PCDHGA2: variants seen among roughly 807,000 people sequenced by gnomAD.
PCDHGA2 encodes the protein protocadherin gamma-A2.
PCDHGA2 carries 40 observed loss-of-function variants against 59.2 expected under a neutral mutation model. The ratio of observed to expected loss-of-function variants is 0.68; its 90% CI spans 0.52 to 0.88. The LOEUF (loss-of-function observed/expected upper bound fraction) is 0.88. Among genes scored for constraint, PCDHGA2 ranks in the 40% least tolerant of loss-of-function variants. PCDHGA2 has a pLI of 0.00. For missense variants in PCDHGA2, 1,226 were observed against 1,204.0 expected, an observed-to-expected ratio of 1.02 and a Z score of -0.27; for synonymous variants, 560 against 526.0, an observed-to-expected ratio of 1.06 and a Z score of -0.89.
In PCDHGA2 at chr5:141,339,254, C is replaced by A; in HGVS notation, c.283C>A (p.Leu95Ile). Residue 95 changes from leucine (L) to isoleucine (I), a missense_variant, in exon 1 of 4, where the codon CTC (leucine) becomes ATC (isoleucine). By Grantham distance (5) the Leu-to-Ile change is conservative. Transcript: ENST00000394576. ...TGCGAACAGGATAGACCGGGAGGAG[C>A]TCTGCGCTCAGAGCGCACCCTGTCT... ...VTANRIDREELCAQSAPCLLN... is the reference protein window; with the variant it reads ...VTANRIDREEICAQSAPCLLN... 6.2e-7 allele frequency: 1 copy of A among 1,614,242 alleles called. No homozygotes were observed. The highest frequency in any genetic ancestry group is 1.1e-5 in the South Asian group (1 of 91,090).
chr5:141,384,092 T>C, intron 1 of PCDHGA2: 1 of 1,596,242 alleles, frequency 6.3e-7, no homozygotes. Flanking sequence ...GAAAAATCAA[T>C]AGATAATTAT....
rs781612625 is a variant in PCDHGA2, at chr5:141,339,013, C to A, written c.42C>A (p.Val14=). 1.3e-6 allele frequency: 2 copies of A among 1,582,822 alleles called. No individual in the cohort carries two copies. The highest frequency in any genetic ancestry group is 2.3e-5 in the East Asian group (1 of 44,338). The change falls in exon 1 of 4, where the codon GTC becomes GTA. Residue 14 remains valine, a synonymous_variant. Coordinates refer to ENST00000394576, the MANE Select transcript of PCDHGA2 (RefSeq NM_018915.4). ...LQKLPHCRKL[V]LLCFLLATLW... ...AGTTGCCACACTGCAGAAAGCTGGT[C>A]CTGCTGTGCTTCCTTTTGGCGACCC...
intron 1 of PCDHGA2, among the ~76,000 whole-genome samples, chr5:141,362,988 G>A (rs1762757672): frequency 6.6e-6 from 1 of 152,224 alleles, no homozygotes; most frequent in South Asian, 2.1e-4. Flanking sequence ...TTGCATAATG[G>A]CATGGCTTGT....
At chr5:141,346,237 C>A (rs769767532) in intron 1 of PCDHGA2, 2 of 1,614,144 alleles carry the variant, frequency 1.2e-6, no homozygotes, top group Non-Finnish European at 1.7e-6. Flanking sequence ...TTGGCGAGTA[C>A]GCCCGGCTCG....
intron 1 of PCDHGA2, among the ~76,000 whole-genome samples, chr5:141,469,172 A>C (rs1310781965): frequency 6.6e-6 from 1 of 152,050 alleles, no homozygotes; most frequent in Admixed American, 6.6e-5. Context: ...GCTACTTGGG[A>C]GGCTGAGGCA....
At chr5:141,358,794 G>T (rs1283830662) in intron 1 of PCDHGA2, among the ~76,000 whole-genome samples, 120 of 152,324 alleles carry the variant, frequency 7.9e-4, no homozygotes, top group Non-Finnish European at 4.4e-5. Context: ...CTTGGGTTCT[G>T]GACTGATATG....
chr5:141,478,977 T>G (rs1004184325), intron 1 of PCDHGA2, among the ~76,000 whole-genome samples: 12 of 152,210 alleles, frequency 7.9e-5, no homozygotes, highest in Admixed American at 5.2e-4. Flanking sequence ...TTCAAGTGAT[T>G]GTGACATTTG....
rs1312195504 is a variant in PCDHGA2 at position 141,429,392 on chromosome 5, A to ATTTTT, written c.2425-65415_2425-65414insTTTTT. On this transcript the variant is annotated intron_variant, in intron 1 of 3. Transcript: ENST00000394576. Reference sequence around the variant, plus strand: ...GAGAAAATGTGTTTTTTTTTTAAAAAAAATTGAGATTAAGGTCTCATTATG... The same window carrying ATTTTT: ...GAGAAAATGTGTTTTTTTTTTAAAAATTTTTAAATTGAGATTAAGGTCTCATTATG... Among the ~76,000 whole-genome samples, 131 of 152,104 alleles carry ATTTTT rather than the reference A, an allele frequency of 8.6e-4. 1 individual carries two copies. Among genetic ancestry groups the ATTTTT allele is most frequent in the Non-Finnish European group, 1.5e-3 (100 of 67,974 alleles).
chr5:141,403,601 G>A, intron 1 of PCDHGA2: 1 of 1,613,814 alleles, frequency 6.2e-7, no homozygotes, highest in Non-Finnish European at 8.5e-7. Flanking sequence ...GGCCTCGGAT[G>A]GCGGCGAGCC....
intron 1 of PCDHGA2, 186 bp downstream of exon 1, chr5:141,341,581 T>A: frequency 8.5e-7 from 1 of 1,181,758 alleles, no homozygotes; most frequent in Non-Finnish European, 1.2e-6. Context: ...AGAAGAGACG[T>A]GAGAATCTTT....
rs926009065 is a variant in PCDHGA2, at chr5:141,488,023, AG to A, written c.2425-6782del. ...TCAGATTCTGAAGTACCTTAACTCT[AG>A]GTTACCATTTCCCAAGGGATTGAGG... On this transcript the variant is annotated intron_variant, in intron 1 of 3. Transcript: ENST00000394576. 1.4e-3 allele frequency among the ~76,000 whole-genome samples: 213 copies of A among 152,260 alleles called. 1 individual carries two copies. The highest frequency in any genetic ancestry group is 5.0e-3 in the African/African-American group (208 of 41,542).
At chr5:141,436,764 A>G (rs1248797699) in intron 1 of PCDHGA2, among the ~76,000 whole-genome samples, 1 of 152,214 alleles carries the variant, frequency 6.6e-6, no homozygotes, top group East Asian at 1.9e-4. Flanking sequence ...GGTATAATGG[A>G]ATGATTTGTG....
chr5:141,357,606 A>C, intron 1 of PCDHGA2: 2 of 1,614,052 alleles, frequency 1.2e-6, no homozygotes, highest in Non-Finnish European at 1.7e-6. Flanking sequence ...AAACAAAAGG[A>C]GACCCTAATC....
chr5:141,364,408 A>G (rs573254227), intron 1 of PCDHGA2: 30 of 1,610,674 alleles, frequency 1.9e-5, no homozygotes, highest in Non-Finnish European at 2.4e-5. Flanking sequence ...TGTGCGAGCC[A>G]GGATCCGGGC....
Position 141,485,598 on chromosome 5 carries a change from T to C in PCDHGA2, c.2425-9209T>C, listed in dbSNP as rs931717579. 25 of 1,612,028 alleles carry C rather than the reference T, an allele frequency of 1.6e-5. No individual in the cohort carries two copies. Among genetic ancestry groups the C allele is most frequent in the African/African-American group, 2.7e-5 (2 of 74,838 alleles). ...CCGCGGCAGCAGCTGGACTTGGAAA[T>C]TGGGGAGGCAGCTCCTCCAGGACAG... On this transcript the variant is annotated intron_variant, in intron 1 of 3. Transcript: ENST00000394576. This position sits in a 1 kb window ranked among gnomAD's most constrained non-coding sequence, Gnocchi z 5.7.
chr5:141,463,388 C>T (rs1470533734), intron 1 of PCDHGA2, among the ~76,000 whole-genome samples: 1 of 150,092 alleles, frequency 6.7e-6, no homozygotes, highest in Non-Finnish European at 1.5e-5. Flanking sequence ...AAAGTTGTCT[C>T]CAGGCAAAAA....
At chr5:141,360,227 T>C in intron 1 of PCDHGA2, 1 of 1,613,788 alleles carries the variant, frequency 6.2e-7, no homozygotes, top group Non-Finnish European at 8.5e-7. Context: ...GCTCTCCCAG[T>C]CCAGATCCGC....
intron 2 of PCDHGA2, among the ~76,000 whole-genome samples, chr5:141,505,007 C>T (rs1210694913): frequency 6.6e-6 from 1 of 152,050 alleles, no homozygotes; most frequent in Non-Finnish European, 1.5e-5. Flanking sequence ...ACTAAAAATA[C>T]AAAAATTAGC....
intron 1 of PCDHGA2, chr5:141,405,079 C>G (rs1383258618): frequency 6.2e-7 from 1 of 1,613,898 alleles, no homozygotes; most frequent in South Asian, 1.1e-5. Context: ...CCTTCGTTAT[C>G]ACGCTGCTGG....
Sources: gnomAD v4.1 joint callset for allele counts (sites outside exome capture counted in the v4.1 genomes callset) on GRCh38, gnomAD v4.1.1 for gene constraint, Gnocchi (gnomAD v3.1) non-coding constraint, MANE v1.5 for transcripts, NCBI Gene and HGNC (gene_info 2026-07-23, HGNC 2026-07-21) for gene names.